Variants in ZFHX3 observed in about 807,000 individuals in gnomAD.
The protein encoded by ZFHX3 is zinc finger homeobox 3.
ZFHX3 carries 42 observed loss-of-function variants against 279.1 expected under a neutral mutation model. The observed-to-expected ratio is 0.15, with a 90% confidence interval of 0.12 to 0.19. The LOEUF (loss-of-function observed/expected upper bound fraction) is 0.19. Ranked by LOEUF, ZFHX3 falls within the 10% of genes least tolerant of loss-of-function variation. ZFHX3 has a pLI of 1.00. For missense variants in ZFHX3, 4,981 were observed against 4,754.0 expected, an observed-to-expected ratio of 1.05 and a Z score of -1.40; for synonymous variants, 2,293 against 1,957.8, an observed-to-expected ratio of 1.17 and a Z score of -4.52.
chr16:73,888,923 C>G (rs562814515), intron 1 of ZFHX3, among the ~76,000 whole-genome samples: 86 of 150,392 alleles, frequency 5.7e-4, no homozygotes, highest in African/African-American at 2.0e-3. Context: ...TCCTGTAAAC[C>G]TCTGCTGTCT....
At position 73,453,583 on chromosome 16, in the gene ZFHX3, A is replaced by G. The variant is rs138044444; in HGVS notation, c.-1291+2420T>C. ...CCTGGCCCAGGAGCCAGACATGCAAATGAAGGAACCGTCTCAAACATTTCA... is the reference window on the plus strand; with the variant it reads ...CCTGGCCCAGGAGCCAGACATGCAAGTGAAGGAACCGTCTCAAACATTTCA... On this transcript the variant is annotated intron_variant, in intron 3 of 17. Transcript: ENST00000641206. Among the ~76,000 whole-genome samples, 147 of 152,352 alleles carry G rather than the reference A, an allele frequency of 9.6e-4. 1 individual carries two copies. Among genetic ancestry groups the G allele is most frequent in the Non-Finnish European group, 1.9e-3 (130 of 68,034 alleles).
intron 7 of ZFHX3, among the ~76,000 whole-genome samples, chr16:73,093,967 C>T (rs1268963698): frequency 6.6e-6 from 1 of 152,180 alleles, no homozygotes; most frequent in Admixed American, 6.5e-5. Context: ...AGTCCTGGCC[C>T]TGCTCCTGGC....
At chr16:73,594,245 G>T (rs538947493) in intron 2 of ZFHX3, among the ~76,000 whole-genome samples, 1 of 151,902 alleles carries the variant, frequency 6.6e-6, no homozygotes, top group Non-Finnish European at 1.5e-5. Flanking sequence ...ATTTTAAAAA[G>T]ATATCATGTA....
intron 1 of ZFHX3, among the ~76,000 whole-genome samples, chr16:73,718,925 T>C (rs551837973): frequency 3.3e-5 from 5 of 152,278 alleles, no homozygotes; most frequent in African/African-American, 1.2e-4. Context: ...GAATCATGTT[T>C]AAAAACAAAA....
At chr16:73,549,583 C>G (rs745527621) in intron 2 of ZFHX3, among the ~76,000 whole-genome samples, 2 of 152,162 alleles carry the variant, frequency 1.3e-5, no homozygotes, top group Non-Finnish European at 2.9e-5. Context: ...CTAAAGATTT[C>G]TCACATCAGT....
At position 73,047,830 on chromosome 16, in the gene ZFHX3, A is replaced by G. The variant is rs1360594359; in HGVS notation, c.-128T>C. On this transcript the variant is annotated 5_prime_UTR_variant, in exon 1 of 10. Transcript: ENST00000268489. The stretch of plus-strand genomic sequence containing the variant: ...GGGGGCCGCGCCGCCATGCGCAACA[A>G]CGGGAAATTCCAGTGGCACCCGAGC... 1 of 152,258 alleles carries G rather than the reference A, an allele frequency of 6.6e-6. No homozygotes were observed. Among genetic ancestry groups the G allele is most frequent in the Admixed American group, 6.5e-5 (1 of 15,290 alleles). 9.4% of individuals were successfully genotyped at this position (152,258 alleles called of 1,614,324 possible). A position where few individuals can be genotyped will look rare whatever the true frequency, so the allele number is the denominator to read the frequency against.
At chr16:73,595,977 T>TTTTTA (rs61219527) in intron 2 of ZFHX3, among the ~76,000 whole-genome samples, 4,405 of 135,286 alleles carry the variant, frequency 0.033, 226 homozygotes, top group African/African-American at 0.1. Context: ...GACCATTACT[T>TTTTTA]TTTTATTTTA....
intron 5 of ZFHX3, among the ~76,000 whole-genome samples, chr16:73,154,545 C>T (rs372108164): frequency 3.3e-5 from 5 of 152,106 alleles, no homozygotes; most frequent in African/African-American, 7.2e-5. Flanking sequence ...TGGGGGTGGG[C>T]GGCTTTTCTT....
chr16:73,633,023 G>C (rs919910537), intron 2 of ZFHX3, among the ~76,000 whole-genome samples: 1 of 152,202 alleles, frequency 6.6e-6, no homozygotes, highest in Non-Finnish European at 1.5e-5. Flanking sequence ...AGCTTGCAGT[G>C]AGCTGGGATC....
intron 1 of ZFHX3, among the ~76,000 whole-genome samples, chr16:73,033,070 C>A (rs1203554624): frequency 6.6e-6 from 1 of 152,116 alleles, no homozygotes; most frequent in African/African-American, 2.4e-5. Context: ...TCTCCCCAAG[C>A]CTGGGCCCTC....
chr16:73,156,729 T>A (rs1304963917), intron 5 of ZFHX3, among the ~76,000 whole-genome samples: 1 of 152,010 alleles, frequency 6.6e-6, no homozygotes, highest in South Asian at 2.1e-4. Flanking sequence ...CTAATTTTTT[T>A]TTTTTTGAAG....
intron 1 of ZFHX3, among the ~76,000 whole-genome samples, chr16:73,750,867 T>C (rs1403128815): frequency 1.3e-5 from 2 of 151,994 alleles, no homozygotes; most frequent in Non-Finnish European, 2.9e-5. Context: ...GAGTGAAATA[T>C]GAGGAAAAGC....
intron 6 of ZFHX3, among the ~76,000 whole-genome samples, chr16:73,135,721 A>T (rs1238485587): frequency 6.6e-6 from 1 of 152,210 alleles, no homozygotes; most frequent in Non-Finnish European, 1.5e-5. Context: ...AGCTTCTCTT[A>T]ATTGAAAGCC....
At chr16:73,717,233 G>C (rs896186058) in intron 1 of ZFHX3, among the ~76,000 whole-genome samples, 1 of 152,160 alleles carries the variant, frequency 6.6e-6, no homozygotes, top group Admixed American at 6.5e-5. Flanking sequence ...AAAAGAAACA[G>C]GACATGCATT....
intron 1 of ZFHX3, among the ~76,000 whole-genome samples, chr16:73,816,719 T>C (rs545691270): frequency 1.3e-5 from 2 of 151,936 alleles, no homozygotes; most frequent in African/African-American, 2.4e-5. Context: ...AGAGAAAGGA[T>C]TGGGCAATCG....
rs3841241 is a variant in ZFHX3, at chr16:72,785,066, T to TAA, written c.*2096_*2097dup. 1 of 152,572 alleles carries TAA rather than the reference T, an allele frequency of 6.6e-6. No homozygotes were observed. The highest frequency in any genetic ancestry group is 2.4e-5 in the African/African-American group (1 of 41,428). 9.5% of individuals were successfully genotyped at this position (152,572 alleles called of 1,614,324 possible). A position where few individuals can be genotyped will look rare whatever the true frequency, so the allele number is the denominator to read the frequency against. On this transcript the variant is annotated 3_prime_UTR_variant, in exon 10 of 10. Coordinates refer to ENST00000268489, the MANE Select transcript of ZFHX3 (RefSeq NM_006885.4). Reference sequence around the variant, plus strand: ...GTCTTCAAAGTTCCCTTTTGAAACATAAGGAAGAAAACGAAGGGAAGAAGG... The same window carrying TAA: ...GTCTTCAAAGTTCCCTTTTGAAACATAAAAGGAAGAAAACGAAGGGAAGAAGG...
rs141789290 is a variant in ZFHX3 at position 73,220,077 on chromosome 16, A to T, written c.-1104+36970T>A. Reference sequence around the variant, plus strand: ...CTCCAGCCTGGGCAACAAGAGCGAAACTCCCTCTCAAAAATAAAAAAATTA... The same window carrying T: ...CTCCAGCCTGGGCAACAAGAGCGAATCTCCCTCTCAAAAATAAAAAAATTA... On this transcript the variant is annotated intron_variant, in intron 5 of 17. Coordinates refer to the ZFHX3 transcript ENST00000641206. Among the ~76,000 whole-genome samples the T allele has an allele frequency of 2.8e-4, 43 of 152,078 alleles. No individual in the cohort carries two copies. In the East Asian group the frequency reaches 7.9e-3, roughly 28 times the overall value.
At chr16:73,346,561 TC>T (rs59022009) in intron 3 of ZFHX3, among the ~76,000 whole-genome samples, 8,706 of 152,242 alleles carry the variant, frequency 0.057, 323 homozygotes, top group East Asian at 0.11. Flanking sequence ...AACCTCCACC[TC>T]CCCGGTTCAA....
intron 8 of ZFHX3, among the ~76,000 whole-genome samples, chr16:73,087,126 T>A (rs1343925637): frequency 2.0e-5 from 3 of 152,172 alleles, no homozygotes; most frequent in African/African-American, 4.8e-5. Context: ...CACTAAAAAC[T>A]TTTAAAAATT....
Sources: allele counts gnomAD v4.1 joint callset (sites outside exome capture counted in the v4.1 genomes callset), GRCh38; gene constraint gnomAD v4.1.1; transcripts MANE v1.5; gene names NCBI Gene and HGNC (gene_info 2026-07-23, HGNC 2026-07-21).